DDX27: variants seen among roughly 807,000 people sequenced by gnomAD.
DDX27 encodes the protein DEAD-box helicase 27.
A neutral mutation model predicts 99.3 loss-of-function variants in DDX27; 42 were observed. That is an observed-to-expected ratio of 0.42 (90% CI 0.33 to 0.55). The LOEUF is 0.55. DDX27 is among the 20% of genes least tolerant of loss of function. The pLI, the probability that DDX27 is intolerant of heterozygous loss-of-function variation, is 0.07. For synonymous variants in DDX27, 329 were observed against 353.8 expected, an observed-to-expected ratio of 0.93 and a Z score of 0.79; for missense variants, 798 against 976.8, an observed-to-expected ratio of 0.82 and a Z score of 2.44.
rs1980399329 is a variant in DDX27, at chr20:49,239,228, C to G, written c.1795-8C>G. 4 of 1,613,242 alleles carry G rather than the reference C, an allele frequency of 2.5e-6. No homozygotes were observed. The highest frequency in any genetic ancestry group is 3.4e-6 in the Non-Finnish European group (4 of 1,179,476). On this transcript the variant is annotated splice_polypyrimidine_tract_variant and splice_region_variant and intron_variant, in intron 15 of 20. Transcript: ENST00000618172. ...TTCACGGCAGGCATCCTTTTGTTAT[C>G]TCTACAGATCAATACAGCAAAGCGG... is the stretch of plus-strand genomic sequence containing the variant.
chr20:49,230,173 C>G, intron 8 of DDX27, 26 bp from the exon 9 acceptor site: 3 of 1,595,134 alleles, frequency 1.9e-6, no homozygotes, highest in Non-Finnish European at 2.6e-6. Flanking sequence ...ACCTGGCCGC[C>G]TGGTGGGGCT....
rs754285676 is a variant in DDX27 at position 49,226,522 on chromosome 20, A to G, written c.693A>G (p.Ala231=). Residue 231 remains alanine, a synonymous_variant, in exon 7 of 21, where the codon GCA becomes GCG. Transcript: ENST00000618172. ...TGGGGAAGGACATCTGTGCCTGTGC[A>G]GCCACTGGGACAGGTGAAAAGGATA... ...GLLGKDICAC[A]ATGTGKTAAF... The G allele has an allele frequency of 1.2e-6, 2 of 1,613,852 alleles. No homozygotes were observed. The highest frequency in any genetic ancestry group is 1.7e-6 in the Non-Finnish European group (2 of 1,179,822).
chr20:49,231,570 C>G (rs1234678045), intron 9 of DDX27, among the ~76,000 whole-genome samples: 1 of 152,182 alleles, frequency 6.6e-6, no homozygotes, highest in African/African-American at 2.4e-5. Flanking sequence ...GTAGCCTGCA[C>G]TGGGGAGAGA....
chr20:49,236,063 C>T lies in DDX27; in HGVS notation c.1428-87C>T. 1 of 1,312,354 alleles carries T rather than the reference C, an allele frequency of 7.6e-7. No homozygotes were observed. Among genetic ancestry groups the T allele is most frequent in the Non-Finnish European group, 1.1e-6 (1 of 944,200 alleles). The allele number at this position is 1,312,354 out of a possible 1,614,324, so 81.3% of individuals were successfully genotyped here. A position where few individuals can be genotyped will look rare whatever the true frequency, so the allele number is the denominator to read the frequency against. On this transcript the variant is annotated intron_variant, in intron 12 of 20. Coordinates refer to ENST00000618172, the MANE Select transcript of DDX27 (RefSeq NM_017895.8). This position sits in a 1 kb window ranked among gnomAD's most constrained non-coding sequence, Gnocchi z 4.1. ...CAGCCTCTATCCCCATTTTAATGCC[C>T]TGTTCTGTCCTCTGCTGGCTCAGGC...
chr20:49,228,725 C>CGCCTTTGCCCTGCCTTTTGCCCT lies in DDX27; in HGVS notation c.732_733insTTTGCCCTGCCTTTGCCCTGCCT (p.Val245PhefsTer13). The CGCCTTTGCCCTGCCTTTTGCCCT allele has an allele frequency of 6.3e-7, 1 of 1,599,024 alleles. No individual in the cohort carries two copies. Among genetic ancestry groups the CGCCTTTGCCCTGCCTTTTGCCCT allele is most frequent in the South Asian group, 1.1e-5 (1 of 90,104 alleles). ...TGTCCCTCCCTCCAGGTAAAACTGC[C>CGCCTTTGCCCTGCCTTTTGCCCT]GCCTTTGCCCTGCCTGTTTTGGAGC... On this transcript the variant is annotated frameshift_variant, in exon 8 of 21. Transcript: ENST00000618172. LOFTEE classifies it high-confidence loss of function.
chr20:49,232,578 A>G (rs1980148077), intron 9 of DDX27, among the ~76,000 whole-genome samples: 1 of 152,122 alleles, frequency 6.6e-6, no homozygotes, highest in Non-Finnish European at 1.5e-5. Flanking sequence ...CCTGGCTAAC[A>G]CAGTGAAACC....
rs116218876 is a variant in DDX27, at chr20:49,224,643, G to A, written c.467-302G>A. The A allele has an allele frequency of 4.2e-3, 1,196 of 284,542 alleles. 14 individuals carry two copies. The highest frequency in any genetic ancestry group is 0.024 in the African/African-American group (1,119 of 45,950). The allele number at this position is 284,542 out of a possible 1,614,324, so 17.6% of individuals were successfully genotyped here. A position where few individuals can be genotyped will look rare whatever the true frequency, so the allele number is the denominator to read the frequency against. ...CTCCTAAAGTGCTGGGATTTTAGGC[G>A]GGAGCCACTGCTTCCGCCCTCAATA... On this transcript the variant is annotated intron_variant, in intron 4 of 20. Transcript: ENST00000618172.
chr20:49,222,139 CT>C (rs376285111), intron 2 of DDX27, among the ~76,000 whole-genome samples: 26 of 146,426 alleles, frequency 1.8e-4, no homozygotes, highest in Admixed American at 2.7e-4. Flanking sequence ...ATTGCCTTTT[CT>C]TTTTTTTTTT....
chr20:49,223,305 A>G lies in DDX27; in HGVS notation c.338A>G (p.Lys113Arg). The G allele has an allele frequency of 6.2e-7, 1 of 1,613,414 alleles. No homozygotes were observed. The highest frequency in any genetic ancestry group is 8.5e-7 in the Non-Finnish European group (1 of 1,179,894). Residue 113 changes from lysine (K) to arginine (R), a missense_variant, in exon 4 of 21, where the codon AAA becomes AGA. Lys to Arg is a conservative substitution (Grantham distance 26). Coordinates refer to ENST00000618172, the MANE Select transcript of DDX27 (RefSeq NM_017895.8). ...EAKSGKLEKE[K>R]EAKEGSEPKE... ...AAGTCTGGGAAGTTGGAAAAGGAGA[A>G]AGAAGCAAAGGAAGGCTCTGAACCA...
At chr20:49,233,278 T>C in intron 9 of DDX27, 28 bp from the exon 10 acceptor site, 1 of 1,585,146 alleles carries the variant, frequency 6.3e-7, no homozygotes, top group African/African-American at 1.3e-5. Flanking sequence ...ACTCTCTCCA[T>C]TTCTGCCATG....
At chr20:49,233,165 G>A (rs1271507103) in intron 9 of DDX27, 141 bp from the exon 10 acceptor site, 1 of 634,122 alleles carries the variant, frequency 1.6e-6, no homozygotes. Context: ...GATAATTCTT[G>A]GTGAAAAGAT....
intron 5 of DDX27, 50 bp downstream of exon 5, chr20:49,225,041 G>A: frequency 2.5e-6 from 4 of 1,613,578 alleles, no homozygotes; most frequent in South Asian, 2.2e-5. Context: ...AAACCGAAAG[G>A]AGTTTAAGGT....
chr20:49,222,255 C>T (rs1979714591), intron 2 of DDX27, among the ~76,000 whole-genome samples: 1 of 152,072 alleles, frequency 6.6e-6, no homozygotes, highest in Middle Eastern at 3.4e-3. Flanking sequence ...GCTTTAGCCT[C>T]CCGAGTTGCT....
intron 18 of DDX27, 92 bp from the exon 19 acceptor site, chr20:49,242,502 C>T: frequency 7.9e-7 from 1 of 1,263,338 alleles, no homozygotes; most frequent in South Asian, 1.3e-5. Context: ...GCCAGAGTAT[C>T]CACTGAACTT....
At chr20:49,234,366 C>T (rs1980233979) in intron 11 of DDX27, 3 of 152,380 alleles carry the variant, frequency 2.0e-5, no homozygotes, top group South Asian at 2.1e-4. Flanking sequence ...TGGGTTCAAA[C>T]GATTCTCCTG....
rs1979836095 is a variant in DDX27 at position 49,225,156 on chromosome 20, A to T, written c.557A>T (p.Asn186Ile). The T allele has an allele frequency of 6.2e-7, 1 of 1,613,436 alleles. No individual in the cohort carries two copies. The part of the protein sequence containing the change: ...FFEDASQYDE[N>I]LSFQDMNLSR... ...GAAGATGCATCTCAGTACGATGAAA[A>T]CCTCTCGTTCCAGGACATGAACCTT... Residue 186 changes from asparagine (N) to isoleucine (I), a missense_variant, in exon 6 of 21, where the codon AAC becomes ATC. Physicochemically the swap from Asn to Ile is moderately radical, Grantham distance 149. This residue lies in a region of DDX27 where 245 missense variants were observed against 248.8 expected (regional missense o/e 0.98). Coordinates refer to ENST00000618172, the MANE Select transcript of DDX27 (RefSeq NM_017895.8).
intron 19 of DDX27, 143 bp downstream of exon 19, chr20:49,242,824 C>G: frequency 1.3e-6 from 1 of 762,678 alleles, no homozygotes; most frequent in Admixed American, 2.9e-5. Context: ...TGGGTTCAAG[C>G]AATTCTCCTG....
intron 20 of DDX27, 27 bp downstream of exon 20, chr20:49,243,730 TAG>T (rs751631427): frequency 6.2e-7 from 1 of 1,613,928 alleles, no homozygotes; most frequent in Admixed American, 1.7e-5. Flanking sequence ...TGGAGGGGCA[TAG>T]GTTTTGGGAT....
In DDX27 at chr20:49,228,910, G is replaced by A. The variant is rs370878207; in HGVS notation, c.880+22G>A. 5.0e-5 allele frequency: 79 copies of A among 1,564,758 alleles called. 1 individual carries two copies. The African/African-American group carries it at 1.0e-3, about 20-fold the overall frequency. ...GTGGGTGAGTTTCTGGCCAAGGGCT[G>A]CCAGCCCCTGAGAGACTGTGGTGGG... On this transcript the variant is annotated intron_variant, in intron 8 of 20. Coordinates refer to ENST00000618172, the MANE Select transcript of DDX27 (RefSeq NM_017895.8).
Sources: allele counts gnomAD v4.1 joint callset (sites outside exome capture counted in the v4.1 genomes callset), GRCh38; gene constraint gnomAD v4.1.1; regional missense constraint gnomAD v4.1.1; non-coding constraint Gnocchi (gnomAD v3.1); transcripts MANE v1.5; gene names NCBI Gene and HGNC (gene_info 2026-07-23, HGNC 2026-07-21).